SUSD1: variants seen among roughly 807,000 people sequenced by gnomAD.
SUSD1 encodes sushi domain containing 1, also known as sushi domain-containing protein 1.
Under a neutral mutation model 86.9 loss-of-function variants are expected in SUSD1, and 65 were observed. The ratio of observed to expected loss-of-function variants is 0.75; its 90% CI spans 0.61 to 0.92. The LOEUF (loss-of-function observed/expected upper bound fraction) is 0.92, where lower values mean the gene tolerates loss of function less well. SUSD1 is among the 40% of genes least tolerant of loss of function. The pLI, the probability that SUSD1 is intolerant of heterozygous loss-of-function variation, is 0.00. For missense variants in SUSD1, 850 were observed against 929.7 expected (o/e 0.91, Z 1.11); for synonymous variants, 346 against 350.0 (o/e 0.99, Z 0.13).
chr9:112,042,217 A>G, intron 15 of SUSD1: 1 of 1,470,112 alleles, frequency 6.8e-7, no homozygotes, highest in Non-Finnish European at 9.2e-7. Context: ...GGGAGAAAAC[A>G]GCTAATCTTG....
chr9:112,080,923 AAAG>A (rs886266935), intron 10 of SUSD1, among the ~76,000 whole-genome samples: 41 of 152,274 alleles, frequency 2.7e-4, no homozygotes, highest in African/African-American at 9.9e-4. Flanking sequence ...TTCATGAGGA[AAAG>A]AATAGGAGGT....
chr9:112,072,915 C>T (rs1451913852), intron 12 of SUSD1, among the ~76,000 whole-genome samples: 1 of 152,194 alleles, frequency 6.6e-6, no homozygotes, highest in Non-Finnish European at 1.5e-5. Flanking sequence ...GCCAGGGGGG[C>T]CCCCAGGGAT....
intron 3 of SUSD1, among the ~76,000 whole-genome samples, chr9:112,144,884 G>T (rs1207976039): frequency 6.6e-6 from 1 of 152,134 alleles, no homozygotes; most frequent in Non-Finnish European, 1.5e-5. Flanking sequence ...TAAGCCAGAG[G>T]CTGGAGAAGA....
chr9:112,102,343 T>C, intron 8 of SUSD1, 58 bp from the exon 9 acceptor site: 1 of 858,482 alleles, frequency 1.2e-6, no homozygotes, highest in South Asian at 1.9e-5. Context: ...AAATGCATCA[T>C]GGCTGAGTAC....
In SUSD1 at chr9:112,098,458, G is replaced by C. The variant is rs75924727; in HGVS notation, c.1474+12C>G. Reference sequence around the variant, plus strand: ...GTCCTGAGGCACAAAAAAGAAAGACGTCTACACCCACCTGCTGGGGGAGTT... The same window carrying C: ...GTCCTGAGGCACAAAAAAGAAAGACCTCTACACCCACCTGCTGGGGGAGTT... On this transcript the variant is annotated intron_variant, in intron 10 of 16. Coordinates refer to ENST00000374270, the MANE Select transcript of SUSD1 (RefSeq NM_022486.5). 1 of 1,613,288 alleles carries C rather than the reference G, an allele frequency of 6.2e-7. No homozygotes were observed. Among genetic ancestry groups the C allele is most frequent in the South Asian group, 1.1e-5 (1 of 91,016 alleles).
At chr9:112,156,692 C>T (rs1001753447) in intron 2 of SUSD1, among the ~76,000 whole-genome samples, 8 of 152,014 alleles carry the variant, frequency 5.3e-5, no homozygotes, top group East Asian at 3.9e-4. Context: ...ATTACAAGAT[C>T]GAGGCTCAGT....
chr9:112,147,409 G>A (rs1050491045), intron 3 of SUSD1, among the ~76,000 whole-genome samples: 1 of 151,952 alleles, frequency 6.6e-6, no homozygotes, highest in Non-Finnish European at 1.5e-5. Context: ...AGGAGGCTGA[G>A]ACAGGAGAAG....
intron 12 of SUSD1, among the ~76,000 whole-genome samples, chr9:112,077,312 C>T (rs1282046503): frequency 6.6e-6 from 1 of 151,894 alleles, no homozygotes; most frequent in East Asian, 1.9e-4. Context: ...GTGGGAAGTC[C>T]TCACCTGACT....
chr9:112,080,191 C>T, intron 10 of SUSD1, 26 bp from the exon 11 acceptor site: 2 of 1,519,352 alleles, frequency 1.3e-6, no homozygotes, highest in South Asian at 2.3e-5. Context: ...AATGAGAAAT[C>T]AATTTACACT....
At chr9:112,130,848 CAAA>C (rs35275299) in intron 5 of SUSD1, among the ~76,000 whole-genome samples, 1 of 118,002 alleles carries the variant, frequency 8.5e-6, no homozygotes. Context: ...AACATCTCTA[CAAA>C]AAAAAAAAAA....
rs193205815 is a variant in SUSD1 at position 112,155,373 on chromosome 9, G to A, written c.217+2127C>T. ...TCTATCTCACTGCTAGCAAGTGCGG[G>A]TGAGGAACGGGAGGGTGAGAAGCAT... On this transcript the variant is annotated intron_variant, in intron 2 of 16. Transcript: ENST00000374270. Among the ~76,000 whole-genome samples the A allele has an allele frequency of 3.3e-4, 51 of 152,274 alleles. 1 individual carries two copies. The highest frequency in any genetic ancestry group is 3.0e-3 in the Admixed American group (46 of 15,302).
At chr9:112,126,600 G>C (rs780387613) in intron 5 of SUSD1, among the ~76,000 whole-genome samples, 3 of 152,140 alleles carry the variant, frequency 2.0e-5, no homozygotes, top group Non-Finnish European at 4.4e-5. Context: ...AGCTATTCAA[G>C]TTGAACAATC....
intron 13 of SUSD1, among the ~76,000 whole-genome samples, chr9:112,058,949 A>C (rs1828583370): frequency 6.6e-6 from 1 of 152,188 alleles, no homozygotes; most frequent in Non-Finnish European, 1.5e-5. Context: ...GCATGCCACC[A>C]CGCCCAACTA....
intron 10 of SUSD1, among the ~76,000 whole-genome samples, chr9:112,086,908 T>A (rs1589634187): frequency 1.3e-5 from 2 of 151,880 alleles, no homozygotes; most frequent in East Asian, 3.9e-4. Flanking sequence ...AACCTAGAAA[T>A]CTTGTTAACC....
Position 112,102,168 on chromosome 9 carries a change from C to G in SUSD1, c.1281+8G>C, listed in dbSNP as rs777085327. The G allele has an allele frequency of 6.0e-6, 9 of 1,506,016 alleles. No individual in the cohort carries two copies. The East Asian group carries it at 2.1e-4, about 36-fold the overall frequency. 93.3% of individuals were successfully genotyped at this position (1,506,016 alleles called of 1,614,324 possible). ...TTCTTTAATGGAAAGCATAAGAGAT[C>G]TCCTTACTTGGTACATGTGTTCTGA... is the stretch of plus-strand genomic sequence containing the variant. On this transcript the variant is annotated splice_region_variant and intron_variant, in intron 9 of 16. Transcript: ENST00000374270.
In SUSD1 at chr9:112,153,619, T is replaced by A. The variant is rs1020038615; in HGVS notation, c.217+3881A>T. ...CAAGTATTACATACTATACTTTTTT[T>A]TTTTTTTTTTTGAGACGGAGTTTTG... On this transcript the variant is annotated intron_variant, in intron 2 of 16. Coordinates refer to ENST00000374270, the MANE Select transcript of SUSD1 (RefSeq NM_022486.5). 3.3e-5 allele frequency among the ~76,000 whole-genome samples: 5 copies of A among 151,390 alleles called. 1 individual carries two copies. Among genetic ancestry groups the A allele is most frequent in the African/African-American group, 1.2e-4 (5 of 41,270 alleles).
chr9:112,058,611 G>T lies in SUSD1; in HGVS notation c.1926C>A (p.Phe642Leu). The T allele has an allele frequency of 1.2e-6, 2 of 1,614,184 alleles. No individual in the cohort carries two copies. Among genetic ancestry groups the T allele is most frequent in the Non-Finnish European group, 1.7e-6 (2 of 1,180,014 alleles). Reference protein sequence around the residue: ...FSCDSEGASSFFSNASDADGY... With the variant: ...FSCDSEGASSLFSNASDADGY... The stretch of plus-strand genomic sequence containing the variant: ...CATCAGCATCAGAGGCGTTGCTAAA[G>T]AAGGAGGAAGCGCCTTCAGAATCAC... The change falls in exon 14 of 17, where the codon TTC becomes TTA. Residue 642 changes from phenylalanine to leucine, a missense_variant. By Grantham distance (22) the Phe-to-Leu change is conservative (BLOSUM62 0). Transcript: ENST00000374270.
intron 12 of SUSD1, among the ~76,000 whole-genome samples, chr9:112,065,098 G>A (rs961556757): frequency 6.6e-6 from 1 of 152,182 alleles, no homozygotes; most frequent in Non-Finnish European, 1.5e-5. Context: ...TTAGCAAGTC[G>A]TAGAGTCAGA....
At chr9:112,071,670 T>C (rs997543720) in intron 12 of SUSD1, among the ~76,000 whole-genome samples, 8 of 152,128 alleles carry the variant, frequency 5.3e-5, no homozygotes, top group African/African-American at 1.9e-4. Context: ...TTTATCTGCA[T>C]CAAAACTAAG....
Sources: gnomAD v4.1 joint callset for allele counts (sites outside exome capture counted in the v4.1 genomes callset) on GRCh38, gnomAD v4.1.1 for gene constraint, MANE v1.5 for transcripts, NCBI Gene and HGNC (gene_info 2026-07-23, HGNC 2026-07-21) for gene names.